The following RGS3 variants were observed in gnomAD, a reference collection of about 807,000 sequenced individuals.
The protein encoded by RGS3 is regulator of G-protein signalling 3.
Under a neutral mutation model 132.6 loss-of-function variants are expected in RGS3, and 80 were observed. The ratio of observed to expected loss-of-function variants is 0.60; its 90% CI spans 0.50 to 0.73. RGS3 has a LOEUF of 0.73. Ranked by LOEUF, RGS3 falls within the 30% of genes least tolerant of loss-of-function variation. RGS3 has a pLI of 0.00. For synonymous variants in RGS3, 598 were observed against 620.6 expected, an observed-to-expected ratio of 0.96 and a Z score of 0.54; for missense variants, 1,382 against 1,530.8, an observed-to-expected ratio of 0.90 and a Z score of 1.62.
chr9:113,470,427 A>G (rs1023381214), intron 3 of RGS3, among the ~76,000 whole-genome samples: 10 of 152,190 alleles, frequency 6.6e-5, no homozygotes, highest in African/African-American at 2.4e-4. Context: ...TGTTGAAGCT[A>G]TGTTAACAAC....
intron 3 of RGS3, 88 bp from the exon 2 acceptor site, chr9:113,479,403 A>AT: frequency 7.6e-7 from 1 of 1,315,246 alleles, no homozygotes; most frequent in Admixed American, 1.7e-5. Flanking sequence ...CATGAACAAA[A>AT]GAGCATTTCT....
chr9:113,534,676 A>C, intron 18 of RGS3, among the ~76,000 whole-genome samples: 1 of 150,384 alleles, frequency 6.6e-6, no homozygotes, highest in East Asian at 2.0e-4. Context: ...CAGTGGCACA[A>C]TCATTGCTTA....
chr9:113,526,131 G>A (rs1832193004), intron 17 of RGS3, among the ~76,000 whole-genome samples: 3 of 152,346 alleles, frequency 2.0e-5, no homozygotes, highest in East Asian at 1.9e-4. Flanking sequence ...GGTGGCCAGC[G>A]TCATGCCCAT....
chr9:113,505,593 G>A, intron 11 of RGS3, 70 bp downstream of exon 9: 1 of 1,245,894 alleles, frequency 8.0e-7, no homozygotes, highest in Non-Finnish European at 1.2e-6. Context: ...AACATAGTCT[G>A]GAACTAAAAG....
Position 113,507,754 on chromosome 9 carries a change from C to A in RGS3, c.1437+116C>A, listed in dbSNP as rs1323095935. On this transcript the variant is annotated intron_variant, in intron 13 of 24. Coordinates refer to ENST00000350696, the Ensembl canonical transcript of RGS3. The surrounding 1 kb of genome is among the most constrained non-coding windows in gnomAD (Gnocchi z 5.0). ...GCCTGTGAGGGGCTGCGATGTTGGGCAAGGAGATGGGGTATGTGCTAGCTC... is the reference window on the plus strand; with the variant it reads ...GCCTGTGAGGGGCTGCGATGTTGGGAAAGGAGATGGGGTATGTGCTAGCTC... 1.2e-6 allele frequency: 1 copy of A among 827,980 alleles called. No homozygotes were observed. Among genetic ancestry groups the A allele is most frequent in the Non-Finnish European group, 1.8e-6 (1 of 554,506 alleles). 51.3% of individuals were successfully genotyped at this position (827,980 alleles called of 1,614,324 possible).
At position 113,543,877 on chromosome 9, in the gene RGS3, G is replaced by C. The variant is rs570016708; in HGVS notation, c.2037+6959G>C. On this transcript the variant is annotated intron_variant, in intron 19 of 24. Transcript: ENST00000350696. ...GGGAAGTGGACATCAGTTCCTGGTGGGCCCTGGGCAGTGACTGTGGTGAGC... is the reference window on the plus strand; with the variant it reads ...GGGAAGTGGACATCAGTTCCTGGTGCGCCCTGGGCAGTGACTGTGGTGAGC... Among the ~76,000 whole-genome samples the C allele has an allele frequency of 7.3e-4, 111 of 152,282 alleles. 2 individuals are homozygous for C. In the South Asian group the frequency reaches 0.023, roughly 31 times the overall value.
At chr9:113,487,127 C>T (rs1371566442) in intron 7 of RGS3, among the ~76,000 whole-genome samples, 2 of 125,640 alleles carry the variant, frequency 1.6e-5, no homozygotes, top group African/African-American at 3.1e-5. Flanking sequence ...TTTTTTGAGA[C>T]GGAGTCTCGC....
chr9:113,514,723 G>C, intron 15 of RGS3, 69 bp downstream of exon 13: 2 of 1,500,494 alleles, frequency 1.3e-6, no homozygotes, highest in South Asian at 1.2e-5. Context: ...CTTGCCCCAG[G>C]ACTCAGGGAT....
At chr9:113,539,315 A>G (rs972723541) in intron 19 of RGS3, among the ~76,000 whole-genome samples, 4 of 152,052 alleles carry the variant, frequency 2.6e-5, no homozygotes, top group African/African-American at 9.7e-5. Context: ...GTCCTGCTGG[A>G]CCGATTTGCT....
At chr9:113,514,410 T>A in intron 14 of RGS3, 48 bp from the exon 13 acceptor site, 1 of 1,549,922 alleles carries the variant, frequency 6.5e-7, no homozygotes, top group Non-Finnish European at 8.9e-7. Flanking sequence ...GGGACACCTT[T>A]GCAGGAGTGA....
At chr9:113,571,757 G>A (rs773823166) in intron 19 of RGS3, among the ~76,000 whole-genome samples, 5 of 152,284 alleles carry the variant, frequency 3.3e-5, no homozygotes, top group Non-Finnish European at 7.4e-5. Flanking sequence ...TTTATGGAGA[G>A]TGTTTGTTGA....
chr9:113,523,088 G>A, intron 17 of RGS3, 47 bp downstream of exon 15: 1 of 1,227,338 alleles, frequency 8.1e-7, no homozygotes. Context: ...ACTTGCCCCA[G>A]TCCCACTGCT....
At chr9:113,567,897 G>C (rs1834083325) in intron 19 of RGS3, among the ~76,000 whole-genome samples, 1 of 152,230 alleles carries the variant, frequency 6.6e-6, no homozygotes, top group Non-Finnish European at 1.5e-5. Context: ...TCCCTCAGAA[G>C]AGGCACAGCT....
intron 19 of RGS3, among the ~76,000 whole-genome samples, chr9:113,539,720 G>A (rs993795139): frequency 5.3e-5 from 8 of 152,364 alleles, no homozygotes; most frequent in African/African-American, 1.9e-4. Flanking sequence ...CTTTTCAAGA[G>A]TGTCTGCTGA....
rs558907382 is a variant in RGS3 at position 113,486,167 on chromosome 9, A to G, written c.689+474A>G. ...TTGGCTGCATGAAGAAAAGAATGAC[A>G]TGAGTAATAAAGGCCATCAGTATGG... On this transcript the variant is annotated intron_variant, in intron 7 of 24. Transcript: ENST00000350696. Among the ~76,000 whole-genome samples, 11 of 152,362 alleles carry G rather than the reference A, an allele frequency of 7.2e-5. No individual in the cohort carries two copies. In the South Asian group the frequency reaches 1.7e-3, roughly 23 times the overall value.
At chr9:113,569,698 C>T (rs927755063) in intron 19 of RGS3, among the ~76,000 whole-genome samples, 1 of 149,050 alleles carries the variant, frequency 6.7e-6, no homozygotes, top group Non-Finnish European at 1.5e-5. Flanking sequence ...TTACAAATTA[C>T]TAGTGGCATA....
At chr9:113,490,460 T>A (rs1269328518) in intron 7 of RGS3, among the ~76,000 whole-genome samples, 1 of 151,844 alleles carries the variant, frequency 6.6e-6, no homozygotes, top group Non-Finnish European at 1.5e-5. Flanking sequence ...TTCCTCAATA[T>A]GCCATTGAAT....
chr9:113,465,794 A>G (rs1829621010), intron 3 of RGS3, among the ~76,000 whole-genome samples: 1 of 152,124 alleles, frequency 6.6e-6, no homozygotes, highest in Non-Finnish European at 1.5e-5. Flanking sequence ...TGGGGTGGGA[A>G]GCCACCTGCT....
intron 21 of RGS3, chr9:113,593,889 CCCCA>C (rs774944256): frequency 6.4e-7 from 1 of 1,563,144 alleles, no homozygotes; most frequent in Non-Finnish European, 8.7e-7. Context: ...CTGACTTGTC[CCCCA>C]CCCCCCACCA....
Sources: allele counts gnomAD v4.1 joint callset (sites outside exome capture counted in the v4.1 genomes callset), GRCh38; gene constraint gnomAD v4.1.1; non-coding constraint Gnocchi (gnomAD v3.1); transcripts MANE v1.5; gene names NCBI Gene and HGNC (gene_info 2026-07-23, HGNC 2026-07-21).